The following HACL1 variants were observed in gnomAD, a reference collection of about 807,000 sequenced individuals.
HACL1 encodes 1600020H07Rik.
In HACL1, 64 loss-of-function variants were observed where a neutral mutation model predicts 74.2. That is an observed-to-expected ratio of 0.86 (90% CI 0.70 to 1.06). The LOEUF is 1.06. Among genes scored for constraint, HACL1 ranks in the 50% least tolerant of loss-of-function variants. The probability of loss-of-function intolerance (pLI) is 0.00; values close to 1 mark genes in which losing one functional copy is unlikely to be tolerated. For synonymous variants in HACL1, 230 were observed against 238.8 expected (o/e 0.96, Z 0.34); for missense variants, 728 against 719.7 (o/e 1.01, Z -0.13).
intron 16 of HACL1, among the ~76,000 whole-genome samples, chr3:15,561,220 C>A (rs897766330): frequency 6.6e-6 from 1 of 152,198 alleles, no homozygotes; most frequent in African/African-American, 2.4e-5. Context: ...GGGCTGAGCT[C>A]CCAGGTCTGA....
intron 3 of HACL1, among the ~76,000 whole-genome samples, chr3:15,593,703 T>C (rs1364390721): frequency 1.3e-5 from 2 of 152,158 alleles, no homozygotes; most frequent in Non-Finnish European, 2.9e-5. Flanking sequence ...TTTTCATTTC[T>C]TAACAAATAA....
chr3:15,572,581 G>A (rs1289939713), intron 11 of HACL1, among the ~76,000 whole-genome samples: 1 of 152,166 alleles, frequency 6.6e-6, no homozygotes, highest in African/African-American at 2.4e-5. Flanking sequence ...TTTAATATGT[G>A]ATTCAAGATT....
chr3:15,571,772 TAAAA>T lies in HACL1; in HGVS notation c.994-7_994-4del. ...GTTTTATCAAGTTCCTCTAAAAGCT[TAAAA>T]AAAAAAAAACACACACACACAAACA... On this transcript the variant is annotated splice_region_variant and splice_polypyrimidine_tract_variant and intron_variant, in intron 11 of 16. Transcript: ENST00000321169. The T allele has an allele frequency of 2.4e-6, 2 of 829,816 alleles. No homozygotes were observed. Among genetic ancestry groups the T allele is most frequent in the South Asian group, 1.6e-5 (1 of 63,080 alleles). The allele number at this position is 829,816 out of a possible 1,614,324, so 51.4% of individuals were successfully genotyped here.
rs1158452227 is a variant in HACL1 at position 15,571,634 on chromosome 3, A to T, written c.1095+34T>A. The T allele has an allele frequency of 3.4e-6, 3 of 876,234 alleles. No homozygotes were observed. In the South Asian group the frequency reaches 4.0e-5, roughly 12 times the overall value. 54.3% of individuals were successfully genotyped at this position (876,234 alleles called of 1,614,324 possible). A position where few individuals can be genotyped will look rare whatever the true frequency, so the allele number is the denominator to read the frequency against. ...CAGAAGTAACTGAATCATGAGCCTG[A>T]CCTGTTATTGAGCGTCAGTAGGTCC... is the stretch of plus-strand genomic sequence containing the variant. On this transcript the variant is annotated intron_variant, in intron 12 of 16. Coordinates refer to ENST00000321169, the MANE Select transcript of HACL1 (RefSeq NM_012260.4).
intron 4 of HACL1, among the ~76,000 whole-genome samples, 188 bp from the exon 5 acceptor site, chr3:15,589,800 C>G (rs984071190): frequency 3.9e-5 from 6 of 152,102 alleles, no homozygotes; most frequent in African/African-American, 4.8e-5. Flanking sequence ...TTTGGGAGGC[C>G]AAGGTGGGTG....
chr3:15,595,430 T>C (rs899291707), intron 3 of HACL1, among the ~76,000 whole-genome samples: 1 of 151,946 alleles, frequency 6.6e-6, no homozygotes, highest in Admixed American at 6.6e-5. Context: ...ACTAGTTTCA[T>C]TTTTGGAAAT....
rs1491226883 is a variant in HACL1 at position 15,592,504 on chromosome 3, GTA to G, written c.228-826_228-825del. On this transcript the variant is annotated intron_variant, in intron 3 of 16. Coordinates refer to ENST00000321169, the MANE Select transcript of HACL1 (RefSeq NM_012260.4). ...CATACACTTGTATACATATACACTT[GTA>G]TATACACTTGTATACATATACACAT... 5.7e-5 allele frequency among the ~76,000 whole-genome samples: 8 copies of G among 141,440 alleles called. No homozygotes were observed. In the South Asian group the frequency reaches 1.1e-3, roughly 19 times the overall value. The allele number at this position is 141,440 out of a possible 152,430, so 92.8% of individuals were successfully genotyped here.
intron 9 of HACL1, 136 bp downstream of exon 9, chr3:15,579,774 T>C (rs548571521): frequency 3.4e-5 from 22 of 641,670 alleles, no homozygotes; most frequent in South Asian, 6.3e-5. Context: ...AGCCAGAAGA[T>C]AGTCCAAAAA....
At position 15,560,943 on chromosome 3, in the gene HACL1, C is replaced by G. The variant is rs370489413; in HGVS notation, c.1705-46G>C. 21 of 1,364,548 alleles carry G rather than the reference C, an allele frequency of 1.5e-5. No homozygotes were observed. In the African/African-American group the frequency reaches 2.6e-4, roughly 17 times the overall value. The allele number at this position is 1,364,548 out of a possible 1,614,324, so 84.5% of individuals were successfully genotyped here. A position where few individuals can be genotyped will look rare whatever the true frequency, so the allele number is the denominator to read the frequency against. On this transcript the variant is annotated intron_variant, in intron 16 of 16. Transcript: ENST00000321169. Reference sequence around the variant, plus strand: ...ACATTCAGTCAAAAGAAATGATTGTCTCAAATTATATCCTCATTGTTTCAC... The same window carrying G: ...ACATTCAGTCAAAAGAAATGATTGTGTCAAATTATATCCTCATTGTTTCAC...
At chr3:15,593,782 G>GTT (rs200160002) in intron 3 of HACL1, among the ~76,000 whole-genome samples, 17 of 123,712 alleles carry the variant, frequency 1.4e-4, no homozygotes, top group African/African-American at 3.2e-4. Context: ...AATGTTTTGT[G>GTT]TTTTTTTTTT....
At chr3:15,590,857 G>C (rs2063879235) in intron 4 of HACL1, among the ~76,000 whole-genome samples, 1 of 152,196 alleles carries the variant, frequency 6.6e-6, no homozygotes, top group Non-Finnish European at 1.5e-5. Flanking sequence ...AAGGCAGGTG[G>C]ATCACCTGAG....
intron 9 of HACL1, among the ~76,000 whole-genome samples, chr3:15,576,048 CA>C (rs1197628053): frequency 1.3e-5 from 1 of 78,872 alleles, no homozygotes; most frequent in African/African-American, 5.3e-5. Flanking sequence ...CCCAGCTACT[CA>C]GGAGGCTGAG....
intron 15 of HACL1, 57 bp downstream of exon 15, chr3:15,564,493 TA>T: frequency 2.5e-6 from 2 of 799,576 alleles, no homozygotes; most frequent in Admixed American, 2.2e-5. Flanking sequence ...GAAGACTTTT[TA>T]AAAAGAGATT....
At position 15,560,817 on chromosome 3, in the gene HACL1, C is replaced by T. The variant is rs1334372555; in HGVS notation, c.*48G>A. The stretch of plus-strand genomic sequence containing the variant: ...AATTTTGCTGTGGAAAATAAAATTT[C>T]ATCTTGCAAGAAAGAGAAAACTCAA... On this transcript the variant is annotated 3_prime_UTR_variant, in exon 17 of 17. Coordinates refer to ENST00000321169, the MANE Select transcript of HACL1 (RefSeq NM_012260.4). 3.7e-6 allele frequency: 5 copies of T among 1,335,516 alleles called. No individual in the cohort carries two copies. Among genetic ancestry groups the T allele is most frequent in the Non-Finnish European group, 4.3e-6 (4 of 937,766 alleles). The allele number at this position is 1,335,516 out of a possible 1,614,324, so 82.7% of individuals were successfully genotyped here.
chr3:15,589,080 A>C (rs1292328097), intron 5 of HACL1, among the ~76,000 whole-genome samples: 1 of 152,240 alleles, frequency 6.6e-6, no homozygotes, highest in African/African-American at 2.4e-5. Flanking sequence ...TAGTAGCTCA[A>C]GATAATTACC....
At chr3:15,599,397 G>A (rs1285136761) in intron 2 of HACL1, among the ~76,000 whole-genome samples, 1 of 152,062 alleles carries the variant, frequency 6.6e-6, no homozygotes, top group African/African-American at 2.4e-5. Context: ...CCCCTTCGTA[G>A]CTGGGATTAC....
At chr3:15,588,025 C>T (rs903475240) in intron 5 of HACL1, among the ~76,000 whole-genome samples, 15 of 152,134 alleles carry the variant, frequency 9.9e-5, no homozygotes, top group Non-Finnish European at 1.9e-4. Context: ...TCCCAAGTAG[C>T]GAGGATTACG....
In HACL1 at chr3:15,563,305, G is replaced by C. The variant is rs2063376437; in HGVS notation, c.1704+53C>G. 3 of 1,194,348 alleles carry C rather than the reference G, an allele frequency of 2.5e-6. No homozygotes were observed. In the South Asian group the frequency reaches 3.8e-5, roughly 15 times the overall value. The allele number at this position is 1,194,348 out of a possible 1,614,324, so 74.0% of individuals were successfully genotyped here. A position where few individuals can be genotyped will look rare whatever the true frequency, so the allele number is the denominator to read the frequency against. The stretch of plus-strand genomic sequence containing the variant: ...CTGTTTGGTAGATACTTTTTGGAGG[G>C]GGATAGGGGAAGCAGATGCATTTCT... On this transcript the variant is annotated intron_variant, in intron 16 of 16. Coordinates refer to ENST00000321169, the MANE Select transcript of HACL1 (RefSeq NM_012260.4).
chr3:15,596,420 C>G lies in HACL1; in HGVS notation c.191G>C (p.Cys64Ser). Residue 64 changes from cysteine (C) to serine (S), a missense_variant, in exon 3 of 17, where the codon TGT becomes TCT. By Grantham distance (112) the Cys-to-Ser change is moderately radical. Transcript: ENST00000321169. ...ATATCCAATCGCGGAGGCAGCATAA[C>G]AAGCCTACGAGAAAACAACACTGGG... ...YIGMRNEQAA[C>S]YAASAIGYLT... 6.3e-7 allele frequency: 1 copy of G among 1,597,302 alleles called. No homozygotes were observed. Among genetic ancestry groups the G allele is most frequent in the South Asian group, 1.1e-5 (1 of 90,704 alleles).
Sources: gnomAD v4.1 joint callset for allele counts (sites outside exome capture counted in the v4.1 genomes callset) on GRCh38, gnomAD v4.1.1 for gene constraint, MANE v1.5 for transcripts, NCBI Gene and HGNC (gene_info 2026-07-23, HGNC 2026-07-21) for gene names.